NDST4: variants seen among roughly 807,000 people sequenced by gnomAD.
The protein encoded by NDST4 is N-deacetylase and N-sulfotransferase 4.
A neutral mutation model predicts 100.8 loss-of-function variants in NDST4; 63 were observed. That is an observed-to-expected ratio of 0.62 (90% CI 0.51 to 0.77). The LOEUF (loss-of-function observed/expected upper bound fraction) is 0.77. Ranked by LOEUF, NDST4 falls within the 30% of genes least tolerant of loss-of-function variation. The probability of loss-of-function intolerance (pLI) is 0.00; values close to 1 mark genes in which losing one functional copy is unlikely to be tolerated. For synonymous variants in NDST4, 377 were observed against 361.8 expected, an observed-to-expected ratio of 1.04 and a Z score of -0.48; for missense variants, 943 against 1,018.4, an observed-to-expected ratio of 0.93 and a Z score of 1.01.
intron 2 of NDST4, among the ~76,000 whole-genome samples, chr4:115,011,489 G>A (rs1727545163): frequency 6.6e-6 from 1 of 150,798 alleles, no homozygotes; most frequent in African/African-American, 2.4e-5. Flanking sequence ...GCAATCTCCA[G>A]TACTCACTTC....
chr4:115,105,639 T>A (rs1285982950), intron 1 of NDST4, among the ~76,000 whole-genome samples: 2 of 152,108 alleles, frequency 1.3e-5, no homozygotes, highest in Non-Finnish European at 2.9e-5. Flanking sequence ...TAGCCAGCAT[T>A]TATTTTCTAC....
intron 3 of NDST4, 118 bp from the exon 4 acceptor site, chr4:114,970,702 G>T: frequency 1.2e-6 from 1 of 856,818 alleles, no homozygotes; most frequent in Non-Finnish European, 1.7e-6. Context: ...AATTCTGTGG[G>T]CTTTTTAAAT....
intron 2 of NDST4, among the ~76,000 whole-genome samples, chr4:114,979,923 A>G (rs1337821719): frequency 6.6e-6 from 1 of 152,184 alleles, no homozygotes; most frequent in Non-Finnish European, 1.5e-5. Flanking sequence ...TAGTTTTCAA[A>G]CTTCAGAAAA....
chr4:114,867,944 T>C (rs77305733), intron 7 of NDST4, among the ~76,000 whole-genome samples: 2,718 of 152,206 alleles, frequency 0.018, 84 homozygotes, highest in African/African-American at 0.062. Flanking sequence ...AGGGTACCCA[T>C]TGACAGATAT....
chr4:115,074,979 T>C (rs894746633), intron 2 of NDST4, among the ~76,000 whole-genome samples: 1 of 152,130 alleles, frequency 6.6e-6, no homozygotes, highest in Non-Finnish European at 1.5e-5. Flanking sequence ...GAGTACTGCA[T>C]CAAGATTGTT....
rs1726485011 is a variant in NDST4, at chr4:114,970,416, T to C, written c.1221+14A>G. On this transcript the variant is annotated intron_variant, in intron 4 of 13. Coordinates refer to ENST00000264363, the MANE Select transcript of NDST4 (RefSeq NM_022569.3). ...ACTTATAGTTCAAAAGATACCACAA[T>C]AAAATGTGCTCACCAGTGCAAATTC... 6.2e-7 allele frequency: 1 copy of C among 1,604,932 alleles called. No individual in the cohort carries two copies. Among genetic ancestry groups the C allele is most frequent in the Admixed American group, 1.7e-5 (1 of 59,136 alleles).
intron 2 of NDST4, among the ~76,000 whole-genome samples, chr4:114,986,793 C>CATATGTGTATATAT (rs1218840726): frequency 2.2e-5 from 2 of 91,148 alleles, no homozygotes; most frequent in African/African-American, 9.1e-5. Context: ...TCCAATTATA[C>CATATGTGTATATAT]ATATATATAT....
At chr4:114,880,349 C>A (rs1043828223) in intron 6 of NDST4, among the ~76,000 whole-genome samples, 2 of 152,110 alleles carry the variant, frequency 1.3e-5, no homozygotes, top group African/African-American at 2.4e-5. Context: ...TGATGGGAGA[C>A]AACCAGAGCT....
At chr4:114,994,962 C>T in intron 2 of NDST4, among the ~76,000 whole-genome samples, 1 of 151,986 alleles carries the variant, frequency 6.6e-6, no homozygotes, top group Non-Finnish European at 1.5e-5. Flanking sequence ...TGGGATAGGT[C>T]ACTTCAGGAA....
At chr4:115,054,932 C>CTG (rs1728660669) in intron 2 of NDST4, among the ~76,000 whole-genome samples, 1 of 152,128 alleles carries the variant, frequency 6.6e-6, no homozygotes, top group Admixed American at 6.6e-5. Context: ...CAGTACCAGT[C>CTG]TGTGGCCTGT....
chr4:114,891,013 C>T (rs569976590), intron 6 of NDST4, among the ~76,000 whole-genome samples: 5 of 152,106 alleles, frequency 3.3e-5, no homozygotes, highest in East Asian at 1.9e-4. Flanking sequence ...ACCTCTACAC[C>T]GAAACACCCT....
chr4:115,068,826 AAAAAAAGAAAAG>A (rs1441474689), intron 2 of NDST4, among the ~76,000 whole-genome samples: 12 of 151,802 alleles, frequency 7.9e-5, no homozygotes, highest in African/African-American at 2.9e-4. Context: ...AAAAAAAAAA[AAAAAAAGAAAAG>A]AAAAAGAAAG....
intron 6 of NDST4, among the ~76,000 whole-genome samples, chr4:114,881,013 A>G (rs1299770230): frequency 1.3e-5 from 2 of 152,158 alleles, no homozygotes; most frequent in Non-Finnish European, 2.9e-5. Flanking sequence ...AAGTTATACA[A>G]TGTGGTTCAT....
intron 6 of NDST4, among the ~76,000 whole-genome samples, chr4:114,895,174 T>C (rs1251484514): frequency 6.6e-6 from 1 of 151,500 alleles, no homozygotes; most frequent in African/African-American, 2.4e-5. Flanking sequence ...TGAAAAACCA[T>C]CCAAGAAAAT....
chr4:114,891,340 A>T lies in NDST4; in HGVS notation c.1537-20390T>A, dbSNP rs1724592332. 2.0e-5 allele frequency among the ~76,000 whole-genome samples: 3 copies of T among 152,022 alleles called. No individual in the cohort carries two copies. In the South Asian group the frequency reaches 6.2e-4, roughly 32 times the overall value. On this transcript the variant is annotated intron_variant, in intron 6 of 13. Coordinates refer to ENST00000264363, the MANE Select transcript of NDST4 (RefSeq NM_022569.3). ...CTCACAACTACCTTCAAGGCTAAAA[A>T]TTTTAGTGCTACATTTGCAATCTGA... is the stretch of plus-strand genomic sequence containing the variant.
intron 6 of NDST4, among the ~76,000 whole-genome samples, chr4:114,883,518 A>G (rs1724416108): frequency 6.6e-6 from 1 of 152,144 alleles, no homozygotes; most frequent in Admixed American, 6.6e-5. Flanking sequence ...TTAAAACCTG[A>G]AATGTCAAAA....
chr4:115,057,279 A>G (rs917133462), intron 2 of NDST4, among the ~76,000 whole-genome samples: 1 of 152,136 alleles, frequency 6.6e-6, no homozygotes, highest in Non-Finnish European at 1.5e-5. Flanking sequence ...TTCCTTGGTA[A>G]CAGATTATTT....
chr4:115,061,010 A>T (rs1434108828), intron 2 of NDST4, among the ~76,000 whole-genome samples: 1 of 152,138 alleles, frequency 6.6e-6, no homozygotes, highest in African/African-American at 2.4e-5. Flanking sequence ...TGGGTGATGG[A>T]TATGAACAAA....
intron 1 of NDST4, among the ~76,000 whole-genome samples, chr4:115,113,080 C>T (rs1339774509): frequency 6.6e-6 from 1 of 151,848 alleles, no homozygotes; most frequent in Admixed American, 6.6e-5. Context: ...CTACAGTTAA[C>T]TTTGGATGTT....
Sources: allele counts gnomAD v4.1 joint callset (sites outside exome capture counted in the v4.1 genomes callset), GRCh38; gene constraint gnomAD v4.1.1; transcripts MANE v1.5; gene names NCBI Gene and HGNC (gene_info 2026-07-23, HGNC 2026-07-21).